NUP214: variants seen among roughly 807,000 people sequenced by gnomAD.
The protein encoded by NUP214 is nucleoporin 214.
NUP214 carries 79 observed loss-of-function variants against 196.2 expected under a neutral mutation model. The ratio of observed to expected loss-of-function variants is 0.40; its 90% CI spans 0.34 to 0.49. NUP214 has a LOEUF of 0.49. NUP214 is among the 20% of genes least tolerant of loss of function. The pLI is 0.58. For synonymous variants in NUP214, 1,020 were observed against 990.5 expected, an observed-to-expected ratio of 1.03 and a Z score of -0.56; for missense variants, 2,468 against 2,539.0, an observed-to-expected ratio of 0.97 and a Z score of 0.60.
intron 11 of NUP214, among the ~76,000 whole-genome samples, 162 bp downstream of exon 11, chr9:131,140,872 A>G (rs567062186): frequency 2.0e-5 from 3 of 152,154 alleles, no homozygotes; most frequent in Non-Finnish European, 4.4e-5. Context: ...ATGCATGTAC[A>G]TATTTGCCTT....
At chr9:131,165,553 A>G (rs1564192023) in intron 21 of NUP214, among the ~76,000 whole-genome samples, 1 of 152,212 alleles carries the variant, frequency 6.6e-6, no homozygotes, top group East Asian at 1.9e-4. Context: ...CCACTGTAGA[A>G]AACAGTTTGG....
intron 33 of NUP214, 56 bp downstream of exon 33, chr9:131,228,387 G>A (rs1834784002): frequency 2.0e-6 from 3 of 1,500,428 alleles, no homozygotes; most frequent in Non-Finnish European, 2.7e-6. Flanking sequence ...AAAGCACTAG[G>A]GGCCTGTACT....
chr9:131,174,195 G>C lies in NUP214; in HGVS notation c.3034G>C (p.Ala1012Pro), dbSNP rs753876014. 6.2e-7 allele frequency: 1 copy of C among 1,613,900 alleles called. No homozygotes were observed. Among genetic ancestry groups the C allele is most frequent in the Non-Finnish European group, 8.5e-7 (1 of 1,179,974 alleles). Reference protein sequence around the residue: ...SCKDDEAVVQAPRHAPVVRTP... With the variant: ...SCKDDEAVVQPPRHAPVVRTP... Reference sequence around the variant, plus strand: ...TAAAGATGACGAGGCAGTGGTTCAGGCCCCTCGGCACGCCCCCGTGGTTCG... The same window carrying C: ...TAAAGATGACGAGGCAGTGGTTCAGCCCCCTCGGCACGCCCCCGTGGTTCG... Residue 1012 changes from alanine (A) to proline (P), a missense_variant, in exon 22 of 36, where the codon GCC (alanine) becomes CCC (proline). Ala to Pro is a conservative substitution (Grantham distance 27). This residue lies in a region of NUP214 where 1,801 missense variants were observed against 1,779.4 expected (regional missense o/e 1.01). Coordinates refer to ENST00000359428, the MANE Select transcript of NUP214 (RefSeq NM_005085.4).
At chr9:131,177,400 G>A (rs560897337) in intron 23 of NUP214, among the ~76,000 whole-genome samples, 3 of 152,262 alleles carry the variant, frequency 2.0e-5, no homozygotes, top group South Asian at 2.1e-4. Flanking sequence ...TCTGTAAAAC[G>A]TTAAAATCTA....
intron 4 of NUP214, among the ~76,000 whole-genome samples, chr9:131,130,565 C>G (rs1283825811): frequency 2.6e-5 from 4 of 152,140 alleles, no homozygotes; most frequent in African/African-American, 9.7e-5. Flanking sequence ...TTTTAGCTTT[C>G]AATTCAATAG....
rs574548474 is a variant in NUP214, at chr9:131,128,389, T to C, written c.299T>C (p.Leu100Ser). The C allele has an allele frequency of 1.9e-6, 3 of 1,613,616 alleles. No homozygotes were observed. Among genetic ancestry groups the C allele is most frequent in the Admixed American group, 1.7e-5 (1 of 59,984 alleles). Residue 100 changes from leucine to serine, a missense_variant, in exon 3 of 36, where the codon TTG becomes TCG. By Grantham distance (145) the Leu-to-Ser change is moderately radical. Transcript: ENST00000359428. ...AAATTCCCAATCCATCACCTGGCCT[T>C]GAGCTGTGATAACCTCACACTCTCT... The part of the protein sequence containing the change: ...PMKFPIHHLA[L>S]SCDNLTLSAC...
intron 9 of NUP214, among the ~76,000 whole-genome samples, chr9:131,137,123 G>A (rs1831753101): frequency 1.3e-5 from 2 of 152,318 alleles, no homozygotes; most frequent in Admixed American, 6.5e-5. Context: ...ATCTTAGATT[G>A]ACCTCAGTAA....
chr9:131,219,070 C>CT (rs763441773), intron 31 of NUP214, among the ~76,000 whole-genome samples: 1 of 152,110 alleles, frequency 6.6e-6, no homozygotes, highest in Non-Finnish European at 1.5e-5. Flanking sequence ...GATTTCATCA[C>CT]TACACAAACC....
intron 27 of NUP214, among the ~76,000 whole-genome samples, chr9:131,193,629 C>CTTTTTTTTTTTGTTTTTTTTTTTTT (rs1833679286): frequency 3.5e-5 from 1 of 28,218 alleles, no homozygotes; most frequent in Non-Finnish European, 6.5e-5. Flanking sequence ...TCTTCCTTTT[C>CTTTTTTTTTTTGTTTTTTTTTTTTT]TTTTTTTTTT....
At position 131,201,576 on chromosome 9, in the gene NUP214, C is replaced by A. The variant is rs559739558; in HGVS notation, c.5522-71C>A. 1.8e-3 allele frequency: 1,781 copies of A among 981,416 alleles called. 17 individuals carry two copies. In the African/African-American group the frequency reaches 0.021, roughly 11 times the overall value. The allele number at this position is 981,416 out of a possible 1,614,324, so 60.8% of individuals were successfully genotyped here. On this transcript the variant is annotated intron_variant, in intron 29 of 35. Coordinates refer to ENST00000359428, the MANE Select transcript of NUP214 (RefSeq NM_005085.4). ...GAGACTCTGCCTCAAAAAAAAAAAACAACAAAACTTTAATGTTGTAAAAGA... is the reference window on the plus strand; with the variant it reads ...GAGACTCTGCCTCAAAAAAAAAAAAAAACAAAACTTTAATGTTGTAAAAGA...
chr9:131,222,975 T>C, intron 32 of NUP214, 45 bp downstream of exon 32: 2 of 1,567,292 alleles, frequency 1.3e-6, no homozygotes, highest in South Asian at 2.3e-5. Context: ...TATATGTATT[T>C]GTTTATGCAT....
At chr9:131,165,187 G>A (rs1832752848) in intron 21 of NUP214, 1 of 152,184 alleles carries the variant, frequency 6.6e-6, no homozygotes, top group Non-Finnish European at 1.5e-5. Flanking sequence ...CTCTTCAGGT[G>A]GCTGAGGCAG....
intron 23 of NUP214, chr9:131,175,905 T>G (rs2131003016): frequency 2.8e-6 from 1 of 351,828 alleles, no homozygotes; most frequent in Non-Finnish European, 5.1e-6. Flanking sequence ...AATCCTACTT[T>G]TGAATAATGT....
chr9:131,150,585 C>G, intron 15 of NUP214, 31 bp from the exon 16 acceptor site: 5 of 1,606,544 alleles, frequency 3.1e-6, no homozygotes, highest in Non-Finnish European at 4.2e-6. Flanking sequence ...GTCCTTCAGA[C>G]TGAGTAGTTC....
At chr9:131,156,385 G>A (rs375061531) in intron 17 of NUP214, among the ~76,000 whole-genome samples, 2 of 151,694 alleles carry the variant, frequency 1.3e-5, no homozygotes, top group Non-Finnish European at 2.9e-5. Context: ...ACCCGCCTAG[G>A]CCTCCCAAAG....
intron 30 of NUP214, among the ~76,000 whole-genome samples, chr9:131,206,141 C>CT (rs1588166866): frequency 2.1e-4 from 5 of 23,872 alleles, no homozygotes; most frequent in African/African-American, 5.6e-4. Context: ...GAATTTTTTT[C>CT]TTTTTTCTTT....
At chr9:131,156,423 C>A (rs781139543) in intron 17 of NUP214, among the ~76,000 whole-genome samples, 1 of 152,054 alleles carries the variant, frequency 6.6e-6, no homozygotes, top group Non-Finnish European at 1.5e-5. Context: ...TGAGCCACTG[C>A]GCCCGGCTGA....
chr9:131,215,111 C>T, intron 30 of NUP214, 101 bp from the exon 31 acceptor site: 1 of 1,110,612 alleles, frequency 9.0e-7, no homozygotes, highest in Non-Finnish European at 1.2e-6. Flanking sequence ...CTTGCTTTTT[C>T]CATTTGTGCC....
At chr9:131,176,420 G>A (rs759439546) in intron 23 of NUP214, among the ~76,000 whole-genome samples, 3 of 150,818 alleles carry the variant, frequency 2.0e-5, no homozygotes, top group Admixed American at 1.3e-4. Context: ...GTGATCTCCC[G>A]AACCCAGGTG....
Sources: gnomAD v4.1 joint callset for allele counts (sites outside exome capture counted in the v4.1 genomes callset) on GRCh38, gnomAD v4.1.1 for gene constraint, gnomAD v4.1.1 regional missense constraint, MANE v1.5 for transcripts, NCBI Gene and HGNC (gene_info 2026-07-23, HGNC 2026-07-21) for gene names.